SCEL: variants seen among roughly 807,000 people sequenced by gnomAD.
SCEL encodes sciellin.
In SCEL, 113 loss-of-function variants were observed where a neutral mutation model predicts 117.6. The ratio of observed to expected loss-of-function variants is 0.96; its 90% CI spans 0.83 to 1.12. The LOEUF (loss-of-function observed/expected upper bound fraction) is 1.12. SCEL is among the 50% of genes most tolerant of loss of function. SCEL has a pLI of 0.00. For missense variants in SCEL, 785 were observed against 810.8 expected, an observed-to-expected ratio of 0.97 and a Z score of 0.39; for synonymous variants, 270 against 256.2, an observed-to-expected ratio of 1.05 and a Z score of -0.51.
chr13:77,571,975 C>G (rs2085659816), intron 8 of SCEL, 149 bp from the exon 9 acceptor site: 4 of 658,826 alleles, frequency 6.1e-6, no homozygotes, highest in Non-Finnish European at 1.1e-5. Flanking sequence ...AGGACAGTTA[C>G]TTCCTACTTC....
intron 27 of SCEL, among the ~76,000 whole-genome samples, chr13:77,622,830 C>T (rs1255914401): frequency 6.6e-6 from 1 of 152,120 alleles, no homozygotes; most frequent in African/African-American, 2.4e-5. Flanking sequence ...CCATTACACT[C>T]GAGCCTGGGA....
chr13:77,573,510 A>G (rs1218590413), intron 9 of SCEL, among the ~76,000 whole-genome samples: 2 of 152,188 alleles, frequency 1.3e-5, no homozygotes, highest in Admixed American at 6.5e-5. Context: ...TTCATTTCCA[A>G]GTAATGGATA....
intron 1 of SCEL, among the ~76,000 whole-genome samples, chr13:77,550,387 A>AATATGT (rs899938191): frequency 1.4e-5 from 2 of 144,504 alleles, no homozygotes; most frequent in African/African-American, 5.1e-5. Context: ...CTTTGTCTAA[A>AATATGT]ATATATATAT....
At chr13:77,569,485 A>G in intron 8 of SCEL, 34 bp downstream of exon 8, 2 of 1,514,464 alleles carry the variant, frequency 1.3e-6, no homozygotes, top group Non-Finnish European at 1.8e-6. Context: ...CCTCTTGCTG[A>G]TACACTATGA....
chr13:77,602,514 G>A, intron 16 of SCEL, 140 bp from the exon 17 acceptor site: 1 of 690,176 alleles, frequency 1.4e-6, no homozygotes, highest in East Asian at 2.5e-5. Context: ...GGTAAGTTAA[G>A]GATAATTACA....
At chr13:77,628,051 T>C (rs777876396) in intron 28 of SCEL, 42 bp downstream of exon 28, 1 of 799,970 alleles carries the variant, frequency 1.3e-6, no homozygotes, top group Non-Finnish European at 1.9e-6. Context: ...ATGAGTTCTA[T>C]ATGCATCTGC....
intron 27 of SCEL, among the ~76,000 whole-genome samples, chr13:77,627,363 A>G (rs572204209): frequency 1.0e-3 from 152 of 152,328 alleles, no homozygotes; most frequent in African/African-American, 3.5e-3. Context: ...GATAGTACTC[A>G]TTAAATGTTA....
chr13:77,593,444 T>A lies in SCEL; in HGVS notation c.693-70T>A, dbSNP rs1219484440. ...ATTTACTTTATTTACTGAAAACAAA[T>A]GAGAAATTTTAGCTCCTTCAAAAAT... is the stretch of plus-strand genomic sequence containing the variant. On this transcript the variant is annotated intron_variant, in intron 11 of 32. Coordinates refer to ENST00000349847, the MANE Select transcript of SCEL (RefSeq NM_144777.3). 4.3e-6 allele frequency: 5 copies of A among 1,156,126 alleles called. No individual in the cohort carries two copies. In the East Asian group the frequency reaches 1.2e-4, roughly 28 times the overall value. The allele number at this position is 1,156,126 out of a possible 1,614,324, so 71.6% of individuals were successfully genotyped here.
intron 1 of SCEL, among the ~76,000 whole-genome samples, chr13:77,545,300 AG>A (rs2083927952): frequency 6.6e-6 from 1 of 152,238 alleles, no homozygotes; most frequent in African/African-American, 2.4e-5. Flanking sequence ...AGGCTACCAA[AG>A]TGTCAATATG....
chr13:77,569,881 ATTTG>A (rs894663623), intron 8 of SCEL, among the ~76,000 whole-genome samples: 4 of 152,022 alleles, frequency 2.6e-5, no homozygotes, highest in African/African-American at 9.7e-5. Flanking sequence ...ATCCATCTGT[ATTTG>A]TTTGGTTCTT....
intron 3 of SCEL, among the ~76,000 whole-genome samples, chr13:77,556,953 C>T (rs2084695900): frequency 6.6e-6 from 1 of 152,102 alleles, no homozygotes. Flanking sequence ...GAGAGAGAGC[C>T]TGGTTATTAC....
At chr13:77,622,173 G>C (rs1023485481) in intron 27 of SCEL, among the ~76,000 whole-genome samples, 2 of 152,094 alleles carry the variant, frequency 1.3e-5, no homozygotes, top group Non-Finnish European at 2.9e-5. Flanking sequence ...GAATACCATA[G>C]TAAATTTTTT....
intron 29 of SCEL, among the ~76,000 whole-genome samples, chr13:77,636,317 A>G (rs1158911703): frequency 2.6e-5 from 4 of 152,184 alleles, no homozygotes; most frequent in African/African-American, 9.7e-5. Context: ...TTTTTGTAGC[A>G]TTGTGGGATT....
chr13:77,537,342 G>A (rs504411), intron 1 of SCEL, among the ~76,000 whole-genome samples: 150,364 of 152,344 alleles, frequency 0.99, 74,227 homozygotes, highest in East Asian at 1. Flanking sequence ...CAGAACCAGA[G>A]CACGATGCCA....
chr13:77,563,237 T>C (rs1321789058), intron 4 of SCEL, among the ~76,000 whole-genome samples: 1 of 152,006 alleles, frequency 6.6e-6, no homozygotes, highest in Non-Finnish European at 1.5e-5. Flanking sequence ...TTCCTTTCTC[T>C]CACTTCCCAC....
At chr13:77,614,746 T>C (rs1366310748) in intron 24 of SCEL, among the ~76,000 whole-genome samples, 1 of 152,070 alleles carries the variant, frequency 6.6e-6, no homozygotes, top group Non-Finnish European at 1.5e-5. Flanking sequence ...AAATTAAGAC[T>C]CAGAAAGGTT....
chr13:77,602,768 T>C, intron 17 of SCEL, 55 bp downstream of exon 17: 3 of 1,483,648 alleles, frequency 2.0e-6, no homozygotes, highest in Non-Finnish European at 2.8e-6. Context: ...ATATTAATTA[T>C]GTGATATTGA....
At chr13:77,564,024 G>C (rs755655316) in intron 5 of SCEL, 125 bp downstream of exon 5, 1 of 618,288 alleles carries the variant, frequency 1.6e-6, no homozygotes, top group Non-Finnish European at 2.6e-6. Context: ...TATTCCCAGG[G>C]ATGGAGGGCT....
At chr13:77,605,869 C>A (rs1439501192) in intron 19 of SCEL, among the ~76,000 whole-genome samples, 1 of 152,008 alleles carries the variant, frequency 6.6e-6, no homozygotes, top group Non-Finnish European at 1.5e-5. Flanking sequence ...AGCTGGGCGT[C>A]CCAACTACTC....
Sources: allele counts gnomAD v4.1 joint callset (sites outside exome capture counted in the v4.1 genomes callset), GRCh38; gene constraint gnomAD v4.1.1; transcripts MANE v1.5; gene names NCBI Gene and HGNC (gene_info 2026-07-23, HGNC 2026-07-21).